The following COL1A2 variants were observed in gnomAD, a reference collection of about 807,000 sequenced individuals.
COL1A2 encodes the protein collagen alpha-2(I) chain.
A neutral mutation model predicts 174.3 loss-of-function variants in COL1A2; 49 were observed. The observed-to-expected ratio is 0.28, with a 90% CI of 0.22 to 0.36. The LOEUF (loss-of-function observed/expected upper bound fraction) is 0.36, where lower values mean the gene tolerates loss of function less well. Among genes scored for constraint, COL1A2 ranks in the 10% least tolerant of loss-of-function variants. The pLI is 1.00. For synonymous variants in COL1A2, 655 were observed against 606.6 expected, an observed-to-expected ratio of 1.08 and a Z score of -1.17; for missense variants, 1,438 against 1,822.7, an observed-to-expected ratio of 0.79 and a Z score of 3.84.
In COL1A2 at chr7:94,429,405, A is replaced by C; in HGVS notation, c.3929A>C (p.Tyr1310Ser). The change falls in exon 51 of 52, where the codon TAC becomes TCC. Residue 1310 changes from tyrosine (Y) to serine (S), a missense_variant. By Grantham distance (144) the Tyr-to-Ser change is moderately radical. Coordinates refer to ENST00000297268, the MANE Select transcript of COL1A2 (RefSeq NM_000089.4). Reference protein sequence around the residue: ...LVAEGNSRFTYTVLVDGCSKK... With the variant: ...LVAEGNSRFTSTVLVDGCSKK... ...GCTGAGGGCAACAGCAGGTTCACTT[A>C]CACTGTTCTTGTAGATGGCTGCTCT... 1 of 1,614,050 alleles carries C rather than the reference A, an allele frequency of 6.2e-7. No homozygotes were observed. The highest frequency in any genetic ancestry group is 8.5e-7 in the Non-Finnish European group (1 of 1,179,986).
At chr7:94,398,648 CTT>C (rs539773290) in intron 3 of COL1A2, among the ~76,000 whole-genome samples, 19 of 151,654 alleles carry the variant, frequency 1.3e-4, no homozygotes, top group Admixed American at 1.2e-3. Flanking sequence ...AAAAAAAAGA[CTT>C]GTTTTTATTC....
rs72658145 is a variant in COL1A2, at chr7:94,417,734, G to C, written c.1874G>C (p.Gly625Ala). The part of the protein sequence containing the change: ...PGPDGNKGEP[G>A]VVGAVGTAGP... ...TGTGTTTGACTCAAGGGTGAACCTG[G>C]TGTGGTTGGTGCTGTGGGCACTGCT... is the stretch of plus-strand genomic sequence containing the variant. The change falls in exon 32 of 52, where the codon GGT (glycine) becomes GCT (alanine). Residue 625 changes from glycine to alanine, a missense_variant. Around this residue, in one of 3 missense-constraint regions of COL1A2, gnomAD observed 867 missense variants for 1,213.7 expected, o/e 0.71. Coordinates refer to ENST00000297268, the MANE Select transcript of COL1A2 (RefSeq NM_000089.4). 1 of 1,593,676 alleles carries C rather than the reference G, an allele frequency of 6.3e-7. No homozygotes were observed. Among genetic ancestry groups the C allele is most frequent in the Non-Finnish European group, 8.6e-7 (1 of 1,169,434 alleles).
intron 19 of COL1A2, 91 bp downstream of exon 19, chr7:94,409,912 T>C (rs746322459): frequency 3.1e-6 from 4 of 1,281,526 alleles, no homozygotes; most frequent in Non-Finnish European, 4.5e-6. Context: ...GTAGTTTTAT[T>C]ATTCCTATTT....
chr7:94,417,889 A>G, intron 32 of COL1A2, 58 bp downstream of exon 32: 1 of 1,391,688 alleles, frequency 7.2e-7, no homozygotes, highest in South Asian at 1.2e-5. Flanking sequence ...AGGCTGCACA[A>G]GGATGCCCAA....
chr7:94,410,857 T>C, intron 21 of COL1A2, 32 bp from the exon 22 acceptor site: 1 of 1,602,438 alleles, frequency 6.2e-7, no homozygotes, highest in Non-Finnish European at 8.6e-7. Context: ...GAGATTTCTT[T>C]AATTCTCTCT....
Position 94,409,802 on chromosome 7 carries a change from C to T in COL1A2, c.1016C>T (p.Thr339Ile), listed in dbSNP as rs2115894326. Residue 339 changes from threonine (T) to isoleucine (I), a missense_variant, in exon 19 of 52, where the codon ACT (threonine) becomes ATT (isoleucine). Physicochemically the swap from Thr to Ile is moderately conservative, Grantham distance 89. Coordinates refer to ENST00000297268, the MANE Select transcript of COL1A2 (RefSeq NM_000089.4). ...IPGPVGAAGA[T>I]GARGLVGEPG... ...GGCCCTGTTGGTGCTGCCGGTGCTA[C>T]TGGTGCCAGAGGACTTGTTGTAAGT... 1 of 1,614,152 alleles carries T rather than the reference C, an allele frequency of 6.2e-7. No individual in the cohort carries two copies. Among genetic ancestry groups the T allele is most frequent in the Non-Finnish European group, 8.5e-7 (1 of 1,180,038 alleles).
chr7:94,429,521 G>C (rs969782606), intron 51 of COL1A2, 91 bp downstream of exon 51: 3 of 1,399,788 alleles, frequency 2.1e-6, no homozygotes, highest in South Asian at 2.4e-5. Flanking sequence ...TCTAAAGGGG[G>C]GTTAAAAGAA....
At chr7:94,410,768 T>C (rs1490856930) in intron 21 of COL1A2, 121 bp from the exon 22 acceptor site, 2 of 1,152,242 alleles carry the variant, frequency 1.7e-6, no homozygotes, top group Non-Finnish European at 1.3e-6. Flanking sequence ...GGGTGAAGTG[T>C]TTTGGCTTGG....
chr7:94,419,052 C>T lies in COL1A2; in HGVS notation c.2026-446C>T, dbSNP rs186038865. On this transcript the variant is annotated intron_variant, in intron 33 of 51. Transcript: ENST00000297268. ...CCATGACAGTCTAATTACCTTATCTCGTATGTCAGCCTCATGGGTCTTCTA... is the reference window on the plus strand; with the variant it reads ...CCATGACAGTCTAATTACCTTATCTTGTATGTCAGCCTCATGGGTCTTCTA... 2.7e-5 allele frequency among the ~76,000 whole-genome samples: 4 copies of T among 147,462 alleles called. No individual in the cohort carries two copies. In the East Asian group the frequency reaches 5.9e-4, roughly 22 times the overall value.
At chr7:94,427,385 TA>T in intron 48 of COL1A2, 90 bp downstream of exon 48, 1 of 1,270,324 alleles carries the variant, frequency 7.9e-7, no homozygotes, top group Non-Finnish European at 1.1e-6. Context: ...GACAACCCAT[TA>T]AAGTTAGCCC....
rs1208293791 is a variant in COL1A2, at chr7:94,406,322, G to A, written c.594+19G>A. On this transcript the variant is annotated intron_variant, in intron 12 of 51. Transcript: ENST00000297268. ...TGTGAAGGTAAATATTAAATTAGAA[G>A]CACTGTTTTTAAGCACTTGATTGAA... The A allele has an allele frequency of 3.1e-6, 5 of 1,612,922 alleles. No homozygotes were observed. The highest frequency in any genetic ancestry group is 1.1e-5 in the South Asian group (1 of 91,028).
chr7:94,427,165 T>C (rs1225725167), intron 47 of COL1A2, 23 bp from the exon 48 acceptor site: 2 of 1,608,562 alleles, frequency 1.2e-6, no homozygotes, highest in East Asian at 2.2e-5. Context: ...AGCTCACATG[T>C]ACCTGGTGTC....
chr7:94,417,781 C>A lies in COL1A2; in HGVS notation c.1921C>A (p.Leu641Ile). ...GTAGPSGPSG[L>I]PGERGAAGIP... ...TGCTGGTCCATCTGGTCCTAGTGGACTCCCAGGAGAGAGGGGTGCTGCTGG... is the reference window on the plus strand; with the variant it reads ...TGCTGGTCCATCTGGTCCTAGTGGAATCCCAGGAGAGAGGGGTGCTGCTGG... Residue 641 changes from leucine to isoleucine, a missense_variant, in exon 32 of 52, where the codon CTC becomes ATC. By Grantham distance (5) the Leu-to-Ile change is conservative (BLOSUM62 2). Around this residue, in one of 3 missense-constraint regions of COL1A2, gnomAD observed 867 missense variants for 1,213.7 expected, o/e 0.71. Transcript: ENST00000297268. 1 of 1,605,072 alleles carries A rather than the reference C, an allele frequency of 6.2e-7. No individual in the cohort carries two copies. Among genetic ancestry groups the A allele is most frequent in the South Asian group, 1.1e-5 (1 of 88,618 alleles).
At chr7:94,407,423 T>C (rs1330434141) in intron 12 of COL1A2, among the ~76,000 whole-genome samples, 1 of 152,118 alleles carries the variant, frequency 6.6e-6, no homozygotes, top group Non-Finnish European at 1.5e-5. Context: ...CTCTAAAAAA[T>C]ACCATGAAGC....
intron 49 of COL1A2, among the ~76,000 whole-genome samples, 162 bp from the exon 50 acceptor site, chr7:94,428,131 G>A (rs1792321501): frequency 6.6e-6 from 1 of 152,124 alleles, no homozygotes; most frequent in Admixed American, 6.5e-5. Flanking sequence ...GGGGAGGGAA[G>A]GAACTGTCTA....
chr7:94,430,501 A>G lies in COL1A2; in HGVS notation c.*108A>G, dbSNP rs1792377390. The stretch of plus-strand genomic sequence containing the variant: ...AGCTGAATCCTTCCATTTCTTCTGC[A>G]CATCTACTTGCTTAAATTGTGGGCA... On this transcript the variant is annotated 3_prime_UTR_variant, in exon 52 of 52. Coordinates refer to ENST00000297268, the MANE Select transcript of COL1A2 (RefSeq NM_000089.4). The G allele has an allele frequency of 2.6e-6, 3 of 1,162,984 alleles. No individual in the cohort carries two copies. The highest frequency in any genetic ancestry group is 3.8e-6 in the Non-Finnish European group (3 of 797,738). The allele number at this position is 1,162,984 out of a possible 1,614,324, so 72.0% of individuals were successfully genotyped here.
chr7:94,413,503 G>A (rs1186338748), intron 26 of COL1A2, among the ~76,000 whole-genome samples, 187 bp from the exon 27 acceptor site: 1 of 152,174 alleles, frequency 6.6e-6, no homozygotes, highest in East Asian at 1.9e-4. Context: ...TACCTACTAT[G>A]TACCCACACA....
At chr7:94,404,058 G>A (rs769700100) in intron 6 of COL1A2, among the ~76,000 whole-genome samples, 12 of 152,180 alleles carry the variant, frequency 7.9e-5, no homozygotes, top group Non-Finnish European at 1.3e-4. Context: ...TTAGAGGAGC[G>A]ATAAGGTTAT....
rs978561646 is a variant in COL1A2, at chr7:94,398,900, A to G, written c.97-149A>G. On this transcript the variant is annotated intron_variant, in intron 3 of 51. Coordinates refer to ENST00000297268, the MANE Select transcript of COL1A2 (RefSeq NM_000089.4). The stretch of plus-strand genomic sequence containing the variant: ...ACAATTAAAATATATACTTTTATCT[A>G]TTGCATTGTGTCAATTTTTTATATG... The G allele has an allele frequency of 6.6e-6, 5 of 758,040 alleles. No homozygotes were observed. The East Asian group carries it at 1.3e-4, about 20-fold the overall frequency. 47.0% of individuals were successfully genotyped at this position (758,040 alleles called of 1,614,324 possible).
Sources: allele counts gnomAD v4.1 joint callset (sites outside exome capture counted in the v4.1 genomes callset), GRCh38; gene constraint gnomAD v4.1.1; regional missense constraint gnomAD v4.1.1; transcripts MANE v1.5; gene names NCBI Gene and HGNC (gene_info 2026-07-23, HGNC 2026-07-21).